AVL9: variants seen among roughly 807,000 people sequenced by gnomAD.
AVL9 encodes late secretory pathway protein AVL9 homolog.
AVL9 carries 49 observed loss-of-function variants against 79.2 expected under a neutral mutation model. That is an observed-to-expected ratio of 0.62 (90% CI 0.49 to 0.79). The LOEUF is 0.79. Ranked by LOEUF, AVL9 falls within the 30% of genes least tolerant of loss-of-function variation. The pLI is 0.00. For missense variants in AVL9, 682 were observed against 776.8 expected, an observed-to-expected ratio of 0.88 and a Z score of 1.45; for synonymous variants, 299 against 280.6, an observed-to-expected ratio of 1.07 and a Z score of -0.65.
chr7:32,517,928 C>G (rs973792881), intron 1 of AVL9, among the ~76,000 whole-genome samples: 5 of 151,966 alleles, frequency 3.3e-5, no homozygotes, highest in African/African-American at 4.8e-5. Context: ...ACCTACCAGG[C>G]TCAAGCGATT....
intron 3 of AVL9, among the ~76,000 whole-genome samples, chr7:32,545,427 A>C (rs990437027): frequency 7.8e-6 from 1 of 127,842 alleles, no homozygotes; most frequent in Non-Finnish European, 1.5e-5. Context: ...GCTGGAGTGC[A>C]GTGGCACAAT....
chr7:32,551,298 TATTA>T (rs769235630), intron 4 of AVL9, 32 bp from the exon 5 acceptor site: 14 of 1,355,090 alleles, frequency 1.0e-5, no homozygotes, highest in Non-Finnish European at 1.5e-5. Flanking sequence ...ATCAACTAAT[TATTA>T]ATCAATGGTA....
chr7:32,498,261 T>TTTTTA (rs869216325), intron 1 of AVL9, among the ~76,000 whole-genome samples: 1 of 107,226 alleles, frequency 9.3e-6, no homozygotes, highest in Non-Finnish European at 2.0e-5. Context: ...TTTTTTTTTT[T>TTTTTA]GAGACGGAGT....
intron 1 of AVL9, among the ~76,000 whole-genome samples, chr7:32,513,560 C>T (rs1787777022): frequency 6.6e-6 from 1 of 152,242 alleles, no homozygotes; most frequent in Non-Finnish European, 1.5e-5. Flanking sequence ...AGTTGTCCCA[C>T]CCTTCCAGAT....
chr7:32,533,407 C>T (rs1159494241), intron 1 of AVL9: 1 of 152,178 alleles, frequency 6.6e-6, no homozygotes, highest in African/African-American at 2.4e-5. Context: ...ACATCTAATG[C>T]AGTCATGAAA....
intron 10 of AVL9, among the ~76,000 whole-genome samples, chr7:32,564,752 T>C (rs991744859): frequency 5.3e-5 from 8 of 151,982 alleles, no homozygotes; most frequent in African/African-American, 1.9e-4. Flanking sequence ...TCAGGAAGTG[T>C]AGAGAAGAAA....
At chr7:32,553,662 A>G (rs1789937247) in intron 6 of AVL9, 65 bp from the exon 7 acceptor site, 8 of 1,231,414 alleles carry the variant, frequency 6.5e-6, no homozygotes, top group Non-Finnish European at 9.4e-6. Context: ...TAAGGGGGAA[A>G]TAACCTTTCT....
chr7:32,521,867 A>G (rs1304976171), intron 1 of AVL9, among the ~76,000 whole-genome samples: 12 of 152,106 alleles, frequency 7.9e-5, no homozygotes, highest in Admixed American at 7.9e-4. Context: ...GGGATGTGGC[A>G]CCCTGTGTCC....
intron 1 of AVL9, among the ~76,000 whole-genome samples, chr7:32,499,974 A>G (rs1562746865): frequency 6.6e-6 from 1 of 152,056 alleles, no homozygotes; most frequent in Non-Finnish European, 1.5e-5. Flanking sequence ...TATGTACCAC[A>G]TTTTCTTTAT....
At chr7:32,495,825 C>A (rs3750086) in intron 1 of AVL9, 23 bp downstream of exon 1, 106,349 of 1,250,498 alleles carry the variant, frequency 0.085, 4,867 homozygotes, top group Admixed American at 0.15. Context: ...CCCGCCCCCG[C>A]CCCCAGCCGT....
intron 1 of AVL9, among the ~76,000 whole-genome samples, chr7:32,519,451 T>G (rs1788048364): frequency 6.8e-6 from 1 of 147,620 alleles, no homozygotes; most frequent in African/African-American, 2.5e-5. Context: ...AGAAAAGAAA[T>G]GGAAGGGCCT....
chr7:32,528,903 G>A (rs1418195223), intron 1 of AVL9, among the ~76,000 whole-genome samples: 5 of 152,026 alleles, frequency 3.3e-5, no homozygotes, highest in Admixed American at 2.0e-4. Context: ...CCAGCTAGTC[G>A]GGAGGCTGAG....
At chr7:32,536,699 T>A (rs1476991798) in intron 1 of AVL9, 1 of 152,192 alleles carries the variant, frequency 6.6e-6, no homozygotes, top group East Asian at 1.9e-4. Flanking sequence ...CAATCACAAG[T>A]CCTGGGTCCC....
At chr7:32,554,617 A>G in intron 8 of AVL9, 21 bp downstream of exon 8, 1 of 1,455,856 alleles carries the variant, frequency 6.9e-7, no homozygotes, top group Non-Finnish European at 9.3e-7. Flanking sequence ...AAGGGATGAA[A>G]GGAAAGATGG....
intron 1 of AVL9, among the ~76,000 whole-genome samples, chr7:32,539,895 CA>C (rs1186573046): frequency 6.6e-6 from 1 of 152,180 alleles, no homozygotes; most frequent in Non-Finnish European, 1.5e-5. Context: ...ATAGCATCTT[CA>C]AATATCTTTT....
intron 1 of AVL9, among the ~76,000 whole-genome samples, chr7:32,516,646 C>G (rs1787910875): frequency 6.6e-6 from 1 of 151,880 alleles, no homozygotes; most frequent in South Asian, 2.1e-4. Context: ...TCATTCCATG[C>G]TTTGAGCCCT....
chr7:32,577,563 C>T (rs1328059277), intron 13 of AVL9, among the ~76,000 whole-genome samples: 6 of 152,032 alleles, frequency 3.9e-5, no homozygotes, highest in African/African-American at 1.4e-4. Context: ...GAAGGCAGGT[C>T]GGCCTTGACT....
chr7:32,545,062 G>A (rs1433769960), intron 3 of AVL9, among the ~76,000 whole-genome samples: 1 of 152,110 alleles, frequency 6.6e-6, no homozygotes, highest in Admixed American at 6.5e-5. Flanking sequence ...TACATTTCAA[G>A]ATGTCTTTGA....
intron 1 of AVL9, among the ~76,000 whole-genome samples, chr7:32,540,691 A>G (rs958799251): frequency 1.3e-5 from 2 of 152,106 alleles, no homozygotes; most frequent in Non-Finnish European, 2.9e-5. Flanking sequence ...TTATCTTGAT[A>G]ATACGGCCAA....
Sources: gnomAD v4.1 joint callset for allele counts (sites outside exome capture counted in the v4.1 genomes callset) on GRCh38, gnomAD v4.1.1 for gene constraint, MANE v1.5 for transcripts, NCBI Gene and HGNC (gene_info 2026-07-23, HGNC 2026-07-21) for gene names.